Variants in STK36 observed in about 807,000 individuals in gnomAD.
STK36 encodes the protein serine/threonine kinase 36.
STK36 carries 116 observed loss-of-function variants against 142.2 expected under a neutral mutation model. The ratio of observed to expected loss-of-function variants is 0.82; its 90% CI spans 0.70 to 0.95. The LOEUF (loss-of-function observed/expected upper bound fraction) is 0.95. Among genes scored for constraint, STK36 ranks in the 40% least tolerant of loss-of-function variants. STK36 has a pLI of 0.00. For synonymous variants in STK36, 619 were observed against 641.7 expected, an observed-to-expected ratio of 0.96 and a Z score of 0.53; for missense variants, 1,422 against 1,617.2, an observed-to-expected ratio of 0.88 and a Z score of 2.07.
chr2:218,679,025 A>G (rs1469326085), intron 6 of STK36, 143 bp from the exon 7 acceptor site: 2 of 751,776 alleles, frequency 2.7e-6, no homozygotes, highest in African/African-American at 3.5e-5. Context: ...TGGGACCTGA[A>G]CAAAGTTTTT....
chr2:218,678,397 C>T (rs902265596), intron 6 of STK36, among the ~76,000 whole-genome samples: 5 of 152,140 alleles, frequency 3.3e-5, no homozygotes, highest in East Asian at 1.9e-4. Flanking sequence ...TGAGGGGGCC[C>T]GAATAATTGT....
intron 14 of STK36, 55 bp downstream of exon 14, chr2:218,690,610 C>G: frequency 1.4e-6 from 2 of 1,383,192 alleles, no homozygotes; most frequent in Non-Finnish European, 2.1e-6. Context: ...CCGTGTTTCT[C>G]CCATCCCCTT....
At chr2:218,676,517 A>G (rs1940253847) in intron 6 of STK36, among the ~76,000 whole-genome samples, 1 of 152,088 alleles carries the variant, frequency 6.6e-6, no homozygotes. Flanking sequence ...ATGGCTGGGG[A>G]AGCCTCAGGA....
At chr2:218,674,200 A>G (rs1940130020) in intron 4 of STK36, among the ~76,000 whole-genome samples, 1 of 152,062 alleles carries the variant, frequency 6.6e-6, no homozygotes, top group South Asian at 2.1e-4. Context: ...AGTTACTTTA[A>G]TTTCTTTGTG....
chr2:218,673,490 G>A lies in STK36; in HGVS notation c.85-135G>A, dbSNP rs574970088. On this transcript the variant is annotated intron_variant, in intron 2 of 26. Transcript: ENST00000295709. ...AGGGTACCATGGAGAAAATGGAAGCGGGAGACTAACAGAAATAATAAGAGT... is the reference window on the plus strand; with the variant it reads ...AGGGTACCATGGAGAAAATGGAAGCAGGAGACTAACAGAAATAATAAGAGT... 15 of 1,240,394 alleles carry A rather than the reference G, an allele frequency of 1.2e-5. No homozygotes were observed. In the East Asian group the frequency reaches 1.5e-4, roughly 13 times the overall value. 76.8% of individuals were successfully genotyped at this position (1,240,394 alleles called of 1,614,324 possible).
chr2:218,684,879 C>T (rs910454746), intron 10 of STK36: 18 of 511,954 alleles, frequency 3.5e-5, no homozygotes, highest in African/African-American at 1.1e-4. Flanking sequence ...GCACACATGC[C>T]GGTGTTCTCC....
chr2:218,682,303 C>T (rs1209149985), intron 10 of STK36, among the ~76,000 whole-genome samples: 3 of 152,174 alleles, frequency 2.0e-5, no homozygotes, highest in Non-Finnish European at 2.9e-5. Context: ...CTCTCTCTCT[C>T]TCCCCCTATG....
rs1941293245 is a variant in STK36, at chr2:218,697,811, T to G, written c.2910-43T>G. 3 of 1,613,564 alleles carry G rather than the reference T, an allele frequency of 1.9e-6. No homozygotes were observed. The East Asian group carries it at 6.7e-5, about 36-fold the overall frequency. ...AGGAGGGAGGGAGGAATGATAAAGG[T>G]TAAGTGAACAAGACCAAGTCTCTTC... On this transcript the variant is annotated intron_variant, in intron 24 of 26. Coordinates refer to ENST00000295709, the MANE Select transcript of STK36 (RefSeq NM_015690.5).
At chr2:218,678,968 C>G (rs1408569871) in intron 6 of STK36, among the ~76,000 whole-genome samples, 200 bp from the exon 7 acceptor site, 1 of 152,076 alleles carries the variant, frequency 6.6e-6, no homozygotes, top group Non-Finnish European at 1.5e-5. Flanking sequence ...GGGGTCCTCT[C>G]CCTAGGAGGT....
Position 218,694,613 on chromosome 2 carries a change from A to G in STK36, c.2489A>G (p.His830Arg). The change falls in exon 21 of 27, where the codon CAT (histidine) becomes CGT (arginine). Residue 830 changes from histidine (H) to arginine (R), a missense_variant. Transcript: ENST00000295709. This position sits in a 1 kb window ranked among gnomAD's most constrained non-coding sequence, Gnocchi z 4.4. ...ATGGAATGGATGGCTGCAGCCACAC[A>G]TGCCTTGTCTGCCCCTGCAGAGGTG... ...QPMEWMAAATHALSAPAEVRL... is the reference protein window; with the variant it reads ...QPMEWMAAATRALSAPAEVRL... 2 of 1,614,218 alleles carry G rather than the reference A, an allele frequency of 1.2e-6. No individual in the cohort carries two copies. The highest frequency in any genetic ancestry group is 1.7e-5 in the Admixed American group (1 of 60,030).
chr2:218,688,947 G>A, intron 12 of STK36, 71 bp downstream of exon 12: 1 of 1,443,002 alleles, frequency 6.9e-7, no homozygotes, highest in African/African-American at 1.5e-5. Flanking sequence ...CATTCAGATT[G>A]CCATCTCTCT....
rs1941477597 is a variant in STK36 at position 218,702,524 on chromosome 2, G to GT, written c.*516dup. ...CTATCTGTGGGTGGGCGTGGAGAGT[G>GT]TATCTTTTTTTGGGGTGTGTGTGTA... On this transcript the variant is annotated 3_prime_UTR_variant, in exon 27 of 27. Coordinates refer to ENST00000295709, the MANE Select transcript of STK36 (RefSeq NM_015690.5). The GT allele has an allele frequency of 6.5e-6, 1 of 153,056 alleles. No individual in the cohort carries two copies. Among genetic ancestry groups the GT allele is most frequent in the African/African-American group, 2.4e-5 (1 of 41,420 alleles). The allele number at this position is 153,056 out of a possible 1,614,324, so 9.5% of individuals were successfully genotyped here.
chr2:218,693,712 T>G lies in STK36; in HGVS notation c.2149-11T>G. ...CCTGCCTCACTGCCAGACTCCTTCC[T>G]TCTCCCTCAGGTTCTATACTCCTGC... is the stretch of plus-strand genomic sequence containing the variant. On this transcript the variant is annotated splice_polypyrimidine_tract_variant and intron_variant, in intron 17 of 26. Coordinates refer to ENST00000295709, the MANE Select transcript of STK36 (RefSeq NM_015690.5). 1 of 1,612,774 alleles carries G rather than the reference T, an allele frequency of 6.2e-7. No individual in the cohort carries two copies. Among genetic ancestry groups the G allele is most frequent in the Non-Finnish European group, 8.5e-7 (1 of 1,179,506 alleles).
intron 23 of STK36, 21 bp from the exon 24 acceptor site, chr2:218,697,442 C>T: frequency 4.3e-6 from 7 of 1,613,148 alleles, no homozygotes; most frequent in Non-Finnish European, 5.9e-6. Context: ...TCCATTGGGT[C>T]TCCATTTTTG....
chr2:218,689,838 T>A (rs1330201230), intron 12 of STK36, 21 bp from the exon 13 acceptor site: 1 of 1,600,734 alleles, frequency 6.2e-7, no homozygotes, highest in African/African-American at 1.3e-5. Context: ...GCCCTTACTC[T>A]CTTCTCCTTT....
chr2:218,689,945 G>A lies in STK36; in HGVS notation c.1647G>A (p.Gln549=). The change falls in exon 13 of 27, where the codon CAG becomes CAA. Residue 549 remains glutamine, a synonymous_variant. Transcript: ENST00000295709. ...FACTFNLERS[Q]TSDSLQVFQE... is the part of the protein sequence containing the mutation. ...GTACCTTCAATCTGGAGAGGAGCCA[G>A]ACAAGTGACAGGTAGGATAAGAAGT... is the stretch of plus-strand genomic sequence containing the variant. 6.3e-7 allele frequency: 1 copy of A among 1,590,936 alleles called. No homozygotes were observed. Among genetic ancestry groups the A allele is most frequent in the Non-Finnish European group, 8.6e-7 (1 of 1,167,038 alleles).
Position 218,696,375 on chromosome 2 carries a change from C to G in STK36, c.2512-152C>G, listed in dbSNP as rs572055330. ...CTGTTCTCTCTTCCCCATTATTCCCCCACCGAAATGGTTCCCCCAGGCCCC... is the reference window on the plus strand; with the variant it reads ...CTGTTCTCTCTTCCCCATTATTCCCGCACCGAAATGGTTCCCCCAGGCCCC... On this transcript the variant is annotated intron_variant, in intron 21 of 26. Transcript: ENST00000295709. 5 of 641,726 alleles carry G rather than the reference C, an allele frequency of 7.8e-6. No homozygotes were observed. The South Asian group carries it at 9.2e-5, about 12-fold the overall frequency. 39.8% of individuals were successfully genotyped at this position (641,726 alleles called of 1,614,324 possible). A position where few individuals can be genotyped will look rare whatever the true frequency, so the allele number is the denominator to read the frequency against.
In STK36 at chr2:218,673,914, C is replaced by T. The variant is rs368022290; in HGVS notation, c.261C>T (p.Leu87=). 3.7e-6 allele frequency: 6 copies of T among 1,614,168 alleles called. No individual in the cohort carries two copies. The highest frequency in any genetic ancestry group is 5.1e-6 in the Non-Finnish European group (6 of 1,180,042). ...TGACAGACTATGCTGAGGGAGAGCT[C>T]TTTCAGATCCTAGAAGATGACGGAA... is the stretch of plus-strand genomic sequence containing the variant. ...VVVTDYAEGE[L]FQILEDDGKL... The change falls in exon 4 of 27, where the codon CTC becomes CTT. Residue 87 remains leucine (L), a synonymous_variant. Coordinates refer to ENST00000295709, the MANE Select transcript of STK36 (RefSeq NM_015690.5).
At chr2:218,692,845 C>A in intron 16 of STK36, 135 bp downstream of exon 16, 3 of 1,240,244 alleles carry the variant, frequency 2.4e-6, no homozygotes, top group South Asian at 1.6e-5. Flanking sequence ...GATGCTCCCA[C>A]CCTGGGCCAT....
Sources: gnomAD v4.1 joint callset for allele counts (sites outside exome capture counted in the v4.1 genomes callset) on GRCh38, gnomAD v4.1.1 for gene constraint, Gnocchi (gnomAD v3.1) non-coding constraint, MANE v1.5 for transcripts, NCBI Gene and HGNC (gene_info 2026-07-23, HGNC 2026-07-21) for gene names.